LARS2: variants seen among roughly 807,000 people sequenced by gnomAD.
LARS2 encodes the protein leucine--tRNA ligase, mitochondrial.
In LARS2, 81 loss-of-function variants were observed where a neutral mutation model predicts 116.6. That is an observed-to-expected ratio of 0.69 (90% CI 0.58 to 0.84). LARS2 has a LOEUF of 0.84. Ranked by LOEUF, LARS2 falls within the 40% of genes least tolerant of loss-of-function variation. The probability of loss-of-function intolerance (pLI) is 0.00; values close to 1 mark genes in which losing one functional copy is unlikely to be tolerated. For missense variants in LARS2, 968 were observed against 1,114.5 expected, an observed-to-expected ratio of 0.87 and a Z score of 1.87; for synonymous variants, 396 against 407.2, an observed-to-expected ratio of 0.97 and a Z score of 0.33.
At chr3:45,504,771 G>GTT (rs879312474) in intron 15 of LARS2, among the ~76,000 whole-genome samples, 2 of 144,456 alleles carry the variant, frequency 1.4e-5, no homozygotes, top group South Asian at 2.2e-4. Flanking sequence ...TGTTTTGTTT[G>GTT]TTTTTTTTTT....
At chr3:45,472,056 G>A (rs538235795) in intron 8 of LARS2, among the ~76,000 whole-genome samples, 290 of 152,312 alleles carry the variant, frequency 1.9e-3, no homozygotes, top group Non-Finnish European at 2.9e-3. Flanking sequence ...ATTAACTTAA[G>A]CCAAGGAGGA....
chr3:45,521,602 A>G (rs114769183), intron 19 of LARS2, among the ~76,000 whole-genome samples: 3,161 of 152,320 alleles, frequency 0.021, 62 homozygotes, highest in Non-Finnish European at 0.03. Flanking sequence ...GCACTCTTAC[A>G]TATTAATATG....
At chr3:45,399,700 A>C (rs1215401352) in intron 3 of LARS2, among the ~76,000 whole-genome samples, 3 of 151,204 alleles carry the variant, frequency 2.0e-5, no homozygotes, top group Non-Finnish European at 4.4e-5. Flanking sequence ...TGAGTAAGTT[A>C]TTTAGTGGTG....
chr3:45,539,781 G>A (rs1244032469), intron 20 of LARS2, among the ~76,000 whole-genome samples: 1 of 151,912 alleles, frequency 6.6e-6, no homozygotes, highest in African/African-American at 2.4e-5. Flanking sequence ...TATTAAACTA[G>A]GGTCCTATTA....
At chr3:45,511,909 G>A (rs1158814932) in intron 15 of LARS2, among the ~76,000 whole-genome samples, 1 of 151,526 alleles carries the variant, frequency 6.6e-6, no homozygotes, top group African/African-American at 2.4e-5. Flanking sequence ...CCAAGCAGCG[G>A]GGACTACAGG....
At chr3:45,465,112 C>T (rs1306358576) in intron 8 of LARS2, among the ~76,000 whole-genome samples, 1 of 152,140 alleles carries the variant, frequency 6.6e-6, no homozygotes. Flanking sequence ...CCAGGATTCT[C>T]CCTCATGCTG....
chr3:45,418,712 C>T (rs1698470330), intron 5 of LARS2, among the ~76,000 whole-genome samples: 1 of 152,234 alleles, frequency 6.6e-6, no homozygotes, highest in Admixed American at 6.5e-5. Context: ...AAGCTGAAAG[C>T]ATTCATCATC....
chr3:45,420,800 A>T (rs1363905423), intron 6 of LARS2, among the ~76,000 whole-genome samples: 1 of 152,212 alleles, frequency 6.6e-6, no homozygotes, highest in Non-Finnish European at 1.5e-5. Flanking sequence ...CTTTAGAGTG[A>T]TAACTAGCCT....
intron 13 of LARS2, among the ~76,000 whole-genome samples, chr3:45,496,044 A>T (rs1201748336): frequency 6.6e-6 from 1 of 152,136 alleles, no homozygotes; most frequent in African/African-American, 2.4e-5. Context: ...TATTTTTAGT[A>T]GAGATGGGGT....
At chr3:45,501,577 C>T (rs1391576466) in intron 15 of LARS2, among the ~76,000 whole-genome samples, 1 of 152,146 alleles carries the variant, frequency 6.6e-6, no homozygotes, top group African/African-American at 2.4e-5. Flanking sequence ...GTTTATGTAT[C>T]ATACCACCAT....
At chr3:45,546,899 T>C (rs1383157965) in intron 21 of LARS2, among the ~76,000 whole-genome samples, 3 of 152,176 alleles carry the variant, frequency 2.0e-5, no homozygotes, top group African/African-American at 7.2e-5. Context: ...CCGTCAACTG[T>C]TTGGTCCACT....
rs773974319 is a variant in LARS2 at position 45,496,249 on chromosome 3, A to G, written c.1524-26A>G. 2.6e-5 allele frequency: 40 copies of G among 1,539,274 alleles called. No homozygotes were observed. In the Middle Eastern group the frequency reaches 5.0e-4, roughly 19 times the overall value. ...TGCATTAAAATTTAAAAAGAAACCA[A>G]TTGATGAATTTCATTTCTTTCTTAG... is the stretch of plus-strand genomic sequence containing the variant. On this transcript the variant is annotated intron_variant, in intron 13 of 21. Transcript: ENST00000645846.
chr3:45,438,574 T>A (rs556576145), intron 6 of LARS2, among the ~76,000 whole-genome samples: 2 of 151,490 alleles, frequency 1.3e-5, no homozygotes, highest in Admixed American at 1.3e-4. Flanking sequence ...TCCCAGCACT[T>A]TGGGAGGCTG....
chr3:45,394,704 A>G lies in LARS2; in HGVS notation c.234+17A>G, dbSNP rs777894830. 1.3e-6 allele frequency: 2 copies of G among 1,561,926 alleles called. No homozygotes were observed. The highest frequency in any genetic ancestry group is 2.2e-5 in the South Asian group (2 of 89,992). On this transcript the variant is annotated intron_variant, in intron 3 of 21. Transcript: ENST00000645846. Reference sequence around the variant, plus strand: ...GAAGCTGATGTGAGTATTCTGAGAGATTCTAAGAGGGTAGAGAAGAGGGGT... The same window carrying G: ...GAAGCTGATGTGAGTATTCTGAGAGGTTCTAAGAGGGTAGAGAAGAGGGGT...
intron 9 of LARS2, among the ~76,000 whole-genome samples, chr3:45,474,622 T>G (rs1699582845): frequency 6.6e-6 from 1 of 152,218 alleles, no homozygotes; most frequent in African/African-American, 2.4e-5. Context: ...AGTTTACATT[T>G]TAGTACAGTC....
Position 45,470,668 on chromosome 3 carries a change from T to C in LARS2, c.751-3575T>C, listed in dbSNP as rs1286132225. ...TCTTGGATCTGCTGCTGATGGAGTT[T>C]AGGGAAATCACATGACCTCTCAACC... On this transcript the variant is annotated intron_variant, in intron 8 of 21. Coordinates refer to ENST00000645846, the MANE Select transcript of LARS2 (RefSeq NM_015340.4). Among the ~76,000 whole-genome samples, 5 of 152,318 alleles carry C rather than the reference T, an allele frequency of 3.3e-5. No individual in the cohort carries two copies. The South Asian group carries it at 6.2e-4, about 19-fold the overall frequency.
chr3:45,437,658 AGTGGTACAAGTACTGG>A (rs1698829572), intron 6 of LARS2, among the ~76,000 whole-genome samples: 1 of 152,230 alleles, frequency 6.6e-6, no homozygotes, highest in South Asian at 2.1e-4. Context: ...AATCATTTGT[AGTGGTACAAGTACTGG>A]GTCACTTATG....
At chr3:45,434,210 A>C (rs185007491) in intron 6 of LARS2, among the ~76,000 whole-genome samples, 106 of 152,284 alleles carry the variant, frequency 7.0e-4, no homozygotes, top group South Asian at 6.2e-4. Context: ...GGAGACTCTG[A>C]TGACATGCAT....
chr3:45,400,174 C>A, intron 3 of LARS2, 71 bp from the exon 4 acceptor site: 1 of 1,358,388 alleles, frequency 7.4e-7, no homozygotes, highest in Non-Finnish European at 1.0e-6. Context: ...GTGTAAAATG[C>A]CAAAATATTA....
Sources: allele counts gnomAD v4.1 joint callset (sites outside exome capture counted in the v4.1 genomes callset), GRCh38; gene constraint gnomAD v4.1.1; transcripts MANE v1.5; gene names NCBI Gene and HGNC (gene_info 2026-07-23, HGNC 2026-07-21).